The following SH3TC1 variants were observed in gnomAD, a reference collection of about 807,000 sequenced individuals.
SH3TC1 encodes SH3 domain and tetratricopeptide repeats 1.
In SH3TC1, 135 loss-of-function variants were observed where a neutral mutation model predicts 117.3. That is an observed-to-expected ratio of 1.15 (90% CI 1.00 to 1.33). The LOEUF (loss-of-function observed/expected upper bound fraction) is 1.33, where lower values mean the gene tolerates loss of function less well. Among genes scored for constraint, SH3TC1 ranks in the 40% most tolerant of loss-of-function variants. The pLI, the probability that SH3TC1 is intolerant of heterozygous loss-of-function variation, is 0.00. For missense variants in SH3TC1, 2,092 were observed against 1,794.3 expected (o/e 1.17, Z -3.00); for synonymous variants, 898 against 816.9 (o/e 1.10, Z -1.69).
rs1473827690 is a variant in SH3TC1, at chr4:8,201,303, TCA to T, written c.-29+1899_-29+1900del. On this transcript the variant is annotated intron_variant, in intron 1 of 17. Transcript: ENST00000245105. ...ACTTGTGCGGTGTGCGTGCTCATTC[TCA>T]TTTTCTGGCTCAGTAAATTGAGGCA... is the stretch of plus-strand genomic sequence containing the variant. 3 of 152,406 alleles carry T rather than the reference TCA, an allele frequency of 2.0e-5. No homozygotes were observed. In the East Asian group the frequency reaches 5.8e-4, roughly 29 times the overall value. 9.4% of individuals were successfully genotyped at this position (152,406 alleles called of 1,614,324 possible). A position where few individuals can be genotyped will look rare whatever the true frequency, so the allele number is the denominator to read the frequency against.
In SH3TC1 at chr4:8,233,472, T is replaced by C. The variant is rs770429205; in HGVS notation, c.3241T>C (p.Tyr1081His). 8.7e-6 allele frequency: 14 copies of C among 1,613,632 alleles called. No homozygotes were observed. Among genetic ancestry groups the C allele is most frequent in the Admixed American group, 1.7e-5 (1 of 59,946 alleles). ...HAWLQAGKIY[Y>H]ILRQSELVDL... ...CTGGCTGCAAGCAGGGAAGATCTAT[T>C]ACATCTTGCGGCAGAGCGAGCTGGT... The change falls in exon 14 of 18, where the codon TAC (tyrosine) becomes CAC (histidine). Residue 1081 changes from tyrosine to histidine, a missense_variant. Physicochemically the swap from Tyr to His is moderately conservative, Grantham distance 83. Transcript: ENST00000245105.
chr4:8,238,090 A>G (rs183335934), intron 17 of SH3TC1, among the ~76,000 whole-genome samples: 128 of 152,166 alleles, frequency 8.4e-4, no homozygotes, highest in Non-Finnish European at 1.0e-3. Flanking sequence ...GCAACATCCA[A>G]CCCAAATCCT....
At chr4:8,211,938 G>A (rs573527275) in intron 3 of SH3TC1, among the ~76,000 whole-genome samples, 27 of 152,262 alleles carry the variant, frequency 1.8e-4, no homozygotes, top group African/African-American at 6.3e-4. Context: ...GGTCCCAATG[G>A]CTCTGCGCAG....
At chr4:8,211,458 G>A (rs1358397570) in intron 3 of SH3TC1, among the ~76,000 whole-genome samples, 2 of 66,132 alleles carry the variant, frequency 3.0e-5, no homozygotes, top group Non-Finnish European at 5.7e-5. Flanking sequence ...CCCCCGCACC[G>A]TTTTCTCCCT....
intron 1 of SH3TC1, among the ~76,000 whole-genome samples, chr4:8,187,425 A>C (rs116374369): frequency 0.036 from 5,459 of 152,242 alleles, 330 homozygotes; most frequent in African/African-American, 0.12. Flanking sequence ...TGCTCCGCCC[A>C]CCAGCCTAAG....
rs976443038 is a variant in SH3TC1 at position 8,192,240 on chromosome 4, C to A, written c.-57+10030C>A. On this transcript the variant is annotated intron_variant, in intron 1 of 16. Transcript: ENST00000508641. This position sits in a 1 kb window ranked among gnomAD's most constrained non-coding sequence, Gnocchi z 4.1. Reference sequence around the variant, plus strand: ...AACTCCTGACCTCAAGTGATCTGCACCCCCCTCGGCCTCCCAAAGTGCTGG... The same window carrying A: ...AACTCCTGACCTCAAGTGATCTGCAACCCCCTCGGCCTCCCAAAGTGCTGG... 6.6e-6 allele frequency among the ~76,000 whole-genome samples: 1 copy of A among 151,924 alleles called. No individual in the cohort carries two copies. The highest frequency in any genetic ancestry group is 2.4e-5 in the African/African-American group (1 of 41,438).
rs551110323 is a variant in SH3TC1 at position 8,202,683 on chromosome 4, G to T, written c.-28-2484G>T. ...GCTGTCGCCTCTGCAAGCCTTGCTGGCCCGGGGCTGATCCGGCTGAGGCCC... is the reference window on the plus strand; with the variant it reads ...GCTGTCGCCTCTGCAAGCCTTGCTGTCCCGGGGCTGATCCGGCTGAGGCCC... On this transcript the variant is annotated intron_variant, in intron 1 of 17. Transcript: ENST00000245105. 6.6e-5 allele frequency among the ~76,000 whole-genome samples: 10 copies of T among 152,306 alleles called. No homozygotes were observed. In the East Asian group the frequency reaches 1.9e-3, roughly 29 times the overall value.
At position 8,227,206 on chromosome 4, in the gene SH3TC1, G is replaced by A. The variant is rs1187038029; in HGVS notation, c.1512G>A (p.Leu504=). The change falls in exon 12 of 18, where the codon CTG becomes CTA. Residue 504 remains leucine (L), a synonymous_variant. Coordinates refer to ENST00000245105, the MANE Select transcript of SH3TC1 (RefSeq NM_018986.5). ...CAGAGGCCCTGAGCTCACTGCTGCT[G>A]TTCCTGAACGCCCCTGGGTACAAGG... is the stretch of plus-strand genomic sequence containing the variant. ...EDPEALSSLL[L]FLNAPGYKAS... 7.7e-6 allele frequency: 12 copies of A among 1,564,484 alleles called. No homozygotes were observed. The highest frequency in any genetic ancestry group is 9.5e-6 in the Non-Finnish European group (11 of 1,152,294).
chr4:8,235,597 G>A (rs747251687), intron 15 of SH3TC1, 42 bp downstream of exon 15: 33 of 1,519,266 alleles, frequency 2.2e-5, no homozygotes, highest in African/African-American at 2.8e-5. Flanking sequence ...CCCCAGGGGG[G>A]GCACCTTGAG....
At chr4:8,195,326 A>G (rs1717526789), upstream of SH3TC1, among the ~76,000 whole-genome samples, 1 of 152,070 alleles carries the variant, frequency 6.6e-6, no homozygotes, top group South Asian at 2.1e-4. Flanking sequence ...TTGTCCCGGG[A>G]GAATTGAAGC....
Position 8,228,218 on chromosome 4 carries a change from C to T in SH3TC1, c.2524C>T (p.Pro842Ser), listed in dbSNP as rs754249688. The change falls in exon 12 of 18, where the codon CCG (proline) becomes TCG (serine). Residue 842 changes from proline (P) to serine (S), a missense_variant. Coordinates refer to ENST00000245105, the MANE Select transcript of SH3TC1 (RefSeq NM_018986.5). ...GCTGCACGTGCTTCATGGGCAGAGC[C>T]CGGTGGCCCTGGACATCCTGCAGTC... Reference protein sequence around the residue: ...AWLHVLHGQSPVALDILQSVR... With the variant: ...AWLHVLHGQSSVALDILQSVR... 3.7e-6 allele frequency: 6 copies of T among 1,608,960 alleles called. No homozygotes were observed. The highest frequency in any genetic ancestry group is 5.1e-6 in the Non-Finnish European group (6 of 1,177,202).
At position 8,240,944 on chromosome 4, in the gene SH3TC1, C is replaced by T. The variant is rs746188221; in HGVS notation, c.4000C>T (p.His1334Tyr). 2.5e-6 allele frequency: 4 copies of T among 1,610,370 alleles called. No individual in the cohort carries two copies. The South Asian group carries it at 4.4e-5, about 18-fold the overall frequency. The change falls in exon 18 of 18, where the codon CAC becomes TAC. Residue 1334 changes from histidine to tyrosine, a missense_variant. Physicochemically the swap from His to Tyr is moderately conservative, Grantham distance 83 (BLOSUM62 2). Transcript: ENST00000245105. The part of the protein sequence containing the change: ...CGWAPWLAPS[H>Y]PR ...GTGGGCCCCCTGGTTGGCCCCCAGC[C>T]ACCCTCGCTGAGGACAGCATCCAAG... is the stretch of plus-strand genomic sequence containing the variant.
chr4:8,196,974 C>T (rs915320047), upstream of SH3TC1, among the ~76,000 whole-genome samples: 2 of 152,108 alleles, frequency 1.3e-5, no homozygotes, highest in African/African-American at 4.8e-5. The surrounding 1 kb of genome is among the most constrained non-coding windows in gnomAD (Gnocchi z 4.6). Context: ...CGAGCTGACA[C>T]CAAAAGGTAG....
rs62286463 is a variant in SH3TC1 at position 8,233,514 on chromosome 4, G to A, written c.3282+1G>A. The A allele has an allele frequency of 5.8e-3, 9,344 of 1,606,930 alleles. 40 individuals carry two copies. Among genetic ancestry groups the A allele is most frequent in the Middle Eastern group, 0.015 (84 of 5,514 alleles). On this transcript the variant is annotated splice_donor_variant, in intron 14 of 17. Transcript: ENST00000245105. LOFTEE classifies it high-confidence loss of function. ...CGAGCTGGTGGACCTCTACATCCAG[G>A]TGAGTGATGAGGGATGCAGGAGGGC...
At chr4:8,222,440 C>T (rs1196019849) in intron 9 of SH3TC1, among the ~76,000 whole-genome samples, 1 of 133,246 alleles carries the variant, frequency 7.5e-6, no homozygotes, top group African/African-American at 2.8e-5. Flanking sequence ...GTGGTGTGAA[C>T]TCGGCTCACT....
chr4:8,213,760 C>T (rs1277022986), intron 4 of SH3TC1, among the ~76,000 whole-genome samples: 4 of 151,914 alleles, frequency 2.6e-5, no homozygotes, highest in Admixed American at 6.6e-5. Context: ...GTTAGCCAGG[C>T]GTGATGGTGT....
chr4:8,194,258 T>A (rs934697298), intron 1 of SH3TC1, among the ~76,000 whole-genome samples: 6 of 152,146 alleles, frequency 3.9e-5, no homozygotes, highest in African/African-American at 1.2e-4. Context: ...CTGTCCCAGG[T>A]GGGCCAGATT....
intron 9 of SH3TC1, among the ~76,000 whole-genome samples, chr4:8,220,417 C>G (rs1182819460): frequency 6.6e-6 from 1 of 151,888 alleles, no homozygotes. Context: ...CCATACGCCT[C>G]TTCCTATGTG....
intron 13 of SH3TC1, 75 bp from the exon 14 acceptor site, chr4:8,233,288 C>T: frequency 6.5e-7 from 1 of 1,526,830 alleles, no homozygotes; most frequent in Non-Finnish European, 8.8e-7. Flanking sequence ...TCATCTGTCA[C>T]CAGACCCACG....
Sources: allele counts gnomAD v4.1 joint callset (sites outside exome capture counted in the v4.1 genomes callset), GRCh38; gene constraint gnomAD v4.1.1; non-coding constraint Gnocchi (gnomAD v3.1); transcripts MANE v1.5; gene names NCBI Gene and HGNC (gene_info 2026-07-23, HGNC 2026-07-21).